GNG7: variants seen among roughly 807,000 people sequenced by gnomAD.
GNG7 encodes the protein guanine nucleotide-binding protein G(I)/G(S)/G(O) subunit gamma-7.
GNG7 carries 1 observed loss-of-function variant against 4.0 expected under a neutral mutation model. The observed-to-expected ratio is 0.25, with a 90% CI of 0.09 to 1.18. The LOEUF (loss-of-function observed/expected upper bound fraction) is 1.18, where lower values mean the gene tolerates loss of function less well. GNG7 is among the 50% of genes most tolerant of loss of function. The probability of loss-of-function intolerance (pLI) is 0.50; values close to 1 mark genes in which losing one functional copy is unlikely to be tolerated. For synonymous variants in GNG7, 34 were observed against 36.9 expected, an observed-to-expected ratio of 0.92 and a Z score of 0.29; for missense variants, 86 against 91.9, an observed-to-expected ratio of 0.94 and a Z score of 0.26.
chr19:2,522,021 T>C (rs1210045499), intron 3 of GNG7, among the ~76,000 whole-genome samples: 1 of 152,134 alleles, frequency 6.6e-6, no homozygotes, highest in African/African-American at 2.4e-5. Context: ...GCAGAGTCTC[T>C]TGGGAGTCCG....
chr19:2,604,202 A>C (rs371610072), intron 2 of GNG7, among the ~76,000 whole-genome samples: 4 of 152,030 alleles, frequency 2.6e-5, no homozygotes, highest in African/African-American at 9.7e-5. Context: ...CAGGTGCAGC[A>C]TAATATGCCC....
intron 1 of GNG7, among the ~76,000 whole-genome samples, chr19:2,697,082 C>T (rs1203783838): frequency 1.3e-5 from 2 of 152,164 alleles, no homozygotes; most frequent in African/African-American, 4.8e-5. Context: ...CTCAACTGAT[C>T]CACCTGCTTC....
At chr19:2,639,169 G>C (rs1982413668) in intron 2 of GNG7, among the ~76,000 whole-genome samples, 1 of 151,854 alleles carries the variant, frequency 6.6e-6, no homozygotes, top group Admixed American at 6.6e-5. Context: ...GGAAGGAGGA[G>C]GTGGCAGTGA....
In GNG7 at chr19:2,609,030, CTCTT is replaced by C. The variant is rs1456292211; in HGVS notation, c.-78+37190_-78+37193del. On this transcript the variant is annotated intron_variant, in intron 2 of 4. Transcript: ENST00000382159. This position sits in a 1 kb window ranked among gnomAD's most constrained non-coding sequence, Gnocchi z 4.4. ...GTACATTCTCTCTCTCTCTCTCTCT[CTCTT>C]TTTTTGTTTTGAGACAGGGTCTCAC... Among the ~76,000 whole-genome samples the C allele has an allele frequency of 9.8e-3, 1,470 of 149,904 alleles. 15 individuals carry two copies. The highest frequency in any genetic ancestry group is 0.034 in the African/African-American group (1,336 of 39,460).
At chr19:2,601,361 T>C (rs933139731) in intron 2 of GNG7, among the ~76,000 whole-genome samples, 4 of 152,074 alleles carry the variant, frequency 2.6e-5, no homozygotes, top group African/African-American at 9.7e-5. Flanking sequence ...AGCCTCCAGT[T>C]ACCAGGCAGT....
chr19:2,661,244 GA>G (rs71179905), intron 1 of GNG7, among the ~76,000 whole-genome samples: 4 of 93,206 alleles, frequency 4.3e-5, no homozygotes, highest in Non-Finnish European at 6.5e-5. Flanking sequence ...AAGAAAGAAA[GA>G]AAAGAAAGAA....
intron 3 of GNG7, among the ~76,000 whole-genome samples, chr19:2,529,227 G>GTTTT (rs539587867): frequency 6.6e-6 from 1 of 151,318 alleles, no homozygotes; most frequent in African/African-American, 2.5e-5. Flanking sequence ...TTGTTTGTTT[G>GTTTT]TTTTTTGGAG....
chr19:2,528,142 G>C (rs572400301), intron 3 of GNG7, among the ~76,000 whole-genome samples: 1 of 151,872 alleles, frequency 6.6e-6, no homozygotes, highest in Non-Finnish European at 1.5e-5. Flanking sequence ...ATGGTAGTGC[G>C]TGCCTGTAAT....
chr19:2,512,409 A>G lies in GNG7; in HGVS notation c.*2613T>C. 1 of 978,256 alleles carries G rather than the reference A, an allele frequency of 1.0e-6. No homozygotes were observed. Among genetic ancestry groups the G allele is most frequent in the Non-Finnish European group, 1.2e-6 (1 of 823,448 alleles). The allele number at this position is 978,256 out of a possible 1,614,324, so 60.6% of individuals were successfully genotyped here. ...TCCCCCAAGCTAGAAAGAAACCCAC[A>G]GGCTTCTGGCAATGGCCACCTCCCT... On this transcript the variant is annotated 3_prime_UTR_variant, in exon 5 of 5. Coordinates refer to ENST00000382159, the MANE Select transcript of GNG7 (RefSeq NM_052847.3). The surrounding 1 kb of genome is among the most constrained non-coding windows in gnomAD (Gnocchi z 4.7).
chr19:2,527,589 C>T (rs767252321), intron 3 of GNG7, among the ~76,000 whole-genome samples: 20 of 152,194 alleles, frequency 1.3e-4, no homozygotes, highest in Non-Finnish European at 2.5e-4. Flanking sequence ...GGGCCCCAGT[C>T]TGCAAAATGG....
At chr19:2,646,551 G>T (rs569202444) in intron 1 of GNG7, among the ~76,000 whole-genome samples, 1 of 152,120 alleles carries the variant, frequency 6.6e-6, no homozygotes, top group Non-Finnish European at 1.5e-5. Context: ...CCAACGTGGT[G>T]GTGGGTGCCT....
At chr19:2,665,505 C>T (rs184424905) in intron 1 of GNG7, among the ~76,000 whole-genome samples, 37 of 152,252 alleles carry the variant, frequency 2.4e-4, no homozygotes, top group Non-Finnish European at 4.3e-4. Context: ...AAAATGAGAA[C>T]GAACGGATTT....
chr19:2,572,608 T>G (rs1320124793), intron 2 of GNG7, among the ~76,000 whole-genome samples: 1 of 150,584 alleles, frequency 6.6e-6, no homozygotes, highest in Admixed American at 6.6e-5. Context: ...TTTTTTTTTT[T>G]TTTTTTAAGA....
At chr19:2,623,360 T>C (rs1277524345) in intron 2 of GNG7, among the ~76,000 whole-genome samples, 1 of 151,524 alleles carries the variant, frequency 6.6e-6, no homozygotes, top group Non-Finnish European at 1.5e-5. Flanking sequence ...CCAAAGGAAT[T>C]GCAAGGAGGG....
chr19:2,590,355 C>T (rs975940609), intron 2 of GNG7, among the ~76,000 whole-genome samples: 1 of 152,192 alleles, frequency 6.6e-6, no homozygotes, highest in African/African-American at 2.4e-5. Context: ...ATAGATAAAA[C>T]TGAGGCTTAG....
At position 2,634,695 on chromosome 19, in the gene GNG7, G is replaced by A. The variant is rs1158694325; in HGVS notation, c.-78+11529C>T. Among the ~76,000 whole-genome samples, 4 of 152,040 alleles carry A rather than the reference G, an allele frequency of 2.6e-5. No individual in the cohort carries two copies. Among genetic ancestry groups the A allele is most frequent in the African/African-American group, 9.7e-5 (4 of 41,392 alleles). The stretch of plus-strand genomic sequence containing the variant: ...CTGTATATCTTGGCAATTCTTTCAG[G>A]GGAACAACTTGTCCGCGAAAAGAAC... On this transcript the variant is annotated intron_variant, in intron 2 of 4. Coordinates refer to ENST00000382159, the MANE Select transcript of GNG7 (RefSeq NM_052847.3). The surrounding 1 kb of genome is among the most constrained non-coding windows in gnomAD (Gnocchi z 5.3).
At chr19:2,542,307 G>A (rs1462256010) in intron 3 of GNG7, among the ~76,000 whole-genome samples, 1 of 151,794 alleles carries the variant, frequency 6.6e-6, no homozygotes, top group Non-Finnish European at 1.5e-5. Flanking sequence ...GTCGAGACGG[G>A]GTTTCACCAT....
intron 2 of GNG7, among the ~76,000 whole-genome samples, chr19:2,624,364 A>G (rs1294136623): frequency 1.3e-5 from 2 of 151,432 alleles, no homozygotes; most frequent in South Asian, 2.1e-4. Context: ...CCCGTCTCCA[A>G]TAAAAATACA....
intron 4 of GNG7, among the ~76,000 whole-genome samples, chr19:2,519,066 G>A (rs975331556): frequency 6.6e-6 from 1 of 151,064 alleles, no homozygotes; most frequent in African/African-American, 2.4e-5. Context: ...AAAGTGCTGC[G>A]ATTCCAGGCG....
Sources: gnomAD v4.1 joint callset for allele counts (sites outside exome capture counted in the v4.1 genomes callset) on GRCh38, gnomAD v4.1.1 for gene constraint, Gnocchi (gnomAD v3.1) non-coding constraint, MANE v1.5 for transcripts, NCBI Gene and HGNC (gene_info 2026-07-23, HGNC 2026-07-21) for gene names.